The following CDH18 variants were observed in gnomAD, a reference collection of about 807,000 sequenced individuals.
CDH18 encodes the protein cadherin 18.
In CDH18, 31 loss-of-function variants were observed where a neutral mutation model predicts 67.9. The ratio of observed to expected loss-of-function variants is 0.46; its 90% confidence interval spans 0.34 to 0.62. The LOEUF (loss-of-function observed/expected upper bound fraction) is 0.62. CDH18 is among the 20% of genes least tolerant of loss of function. The pLI is 0.01. For synonymous variants in CDH18, 362 were observed against 347.2 expected (o/e 1.04, Z -0.48); for missense variants, 890 against 975.5 (o/e 0.91, Z 1.17).
intron 5 of CDH18, among the ~76,000 whole-genome samples, chr5:19,691,993 A>C (rs1761952958): frequency 6.6e-6 from 1 of 152,014 alleles, no homozygotes; most frequent in Non-Finnish European, 1.5e-5. Flanking sequence ...TACAAGGCTA[A>C]CAGTAACCAA....
chr5:20,072,605 AT>A (rs895816879), intron 2 of CDH18, among the ~76,000 whole-genome samples: 59 of 151,950 alleles, frequency 3.9e-4, no homozygotes, highest in African/African-American at 1.4e-3. Flanking sequence ...AAAAAGAAAT[AT>A]CCCCTGCAAG....
intron 2 of CDH18, among the ~76,000 whole-genome samples, chr5:19,864,018 C>T (rs1581697355): frequency 6.6e-6 from 1 of 151,330 alleles, no homozygotes; most frequent in South Asian, 2.1e-4. Context: ...CCCAGCCATC[C>T]CATTACTGGG....
At chr5:19,497,982 A>G (rs1247949028) in intron 11 of CDH18, among the ~76,000 whole-genome samples, 1 of 152,194 alleles carries the variant, frequency 6.6e-6, no homozygotes, top group Non-Finnish European at 1.5e-5. Context: ...TACTTACATC[A>G]CAGCAAGGAG....
chr5:19,801,933 CTAAA>C (rs1304238563), intron 3 of CDH18, among the ~76,000 whole-genome samples: 14 of 152,074 alleles, frequency 9.2e-5, no homozygotes, highest in African/African-American at 3.4e-4. Context: ...CATTCTCTAT[CTAAA>C]TGTTTACTAA....
At chr5:19,577,604 T>C (rs554289963) in intron 7 of CDH18, among the ~76,000 whole-genome samples, 133 of 152,316 alleles carry the variant, frequency 8.7e-4, no homozygotes, top group Non-Finnish European at 1.6e-3. Flanking sequence ...CTGATTAAGA[T>C]AATGAGATTT....
chr5:20,526,022 G>T (rs1400020100), intron 1 of CDH18, among the ~76,000 whole-genome samples: 1 of 152,168 alleles, frequency 6.6e-6, no homozygotes, highest in Admixed American at 6.5e-5. Flanking sequence ...GTTCACTGCA[G>T]CTCTAGTCAG....
At chr5:20,103,586 A>T (rs899896953) in intron 2 of CDH18, among the ~76,000 whole-genome samples, 1 of 149,824 alleles carries the variant, frequency 6.7e-6, no homozygotes, top group South Asian at 2.1e-4. Flanking sequence ...AAAAAAAAAA[A>T]GCTGGGAGTG....
intron 5 of CDH18, among the ~76,000 whole-genome samples, chr5:19,623,180 C>T (rs1178925579): frequency 3.3e-5 from 5 of 152,118 alleles, no homozygotes. Flanking sequence ...TTCATGAGTT[C>T]AGGTATATGT....
chr5:20,324,117 G>A (rs76060833), intron 1 of CDH18, among the ~76,000 whole-genome samples: 16,497 of 152,112 alleles, frequency 0.11, 1,456 homozygotes, highest in East Asian at 0.36. Flanking sequence ...CGATTTAAAA[G>A]GGAAGACCCA....
At chr5:19,902,416 A>G (rs753398467) in intron 2 of CDH18, among the ~76,000 whole-genome samples, 1 of 152,008 alleles carries the variant, frequency 6.6e-6, no homozygotes, top group Non-Finnish European at 1.5e-5. Context: ...ATTCCCAGGA[A>G]AGCCAGCTGC....
intron 1 of CDH18, among the ~76,000 whole-genome samples, chr5:20,394,104 C>T (rs1745092983): frequency 6.6e-6 from 1 of 151,936 alleles, no homozygotes; most frequent in East Asian, 1.9e-4. Context: ...ATAGCCAAAA[C>T]AATCCCAAGC....
intron 3 of CDH18, among the ~76,000 whole-genome samples, chr5:19,834,909 T>A (rs1344427073): frequency 7.2e-5 from 11 of 152,114 alleles, no homozygotes; most frequent in Admixed American, 3.9e-4. Context: ...AGGAACACAT[T>A]TACACTGTCG....
intron 1 of CDH18, among the ~76,000 whole-genome samples, chr5:20,456,354 A>G (rs916485160): frequency 2.6e-5 from 4 of 152,068 alleles, no homozygotes; most frequent in Admixed American, 1.3e-4. Context: ...CAGGTTTTCA[A>G]TTTTTTAAGG....
intron 2 of CDH18, among the ~76,000 whole-genome samples, chr5:19,956,459 A>AT (rs935521148): frequency 6.6e-6 from 1 of 151,930 alleles, no homozygotes; most frequent in Non-Finnish European, 1.5e-5. Context: ...AAATATATTG[A>AT]TTACTGGTAA....
At chr5:20,215,484 C>A (rs1740696216) in intron 2 of CDH18, among the ~76,000 whole-genome samples, 1 of 151,426 alleles carries the variant, frequency 6.6e-6, no homozygotes, top group Non-Finnish European at 1.5e-5. Flanking sequence ...AAACCAGATG[C>A]TGACAAGGTT....
intron 5 of CDH18, among the ~76,000 whole-genome samples, chr5:19,645,333 T>C (rs1037052834): frequency 6.6e-6 from 1 of 152,166 alleles, no homozygotes; most frequent in Non-Finnish European, 1.5e-5. Flanking sequence ...TTCCAGGCAG[T>C]AGTGAAAGTC....
intron 2 of CDH18, among the ~76,000 whole-genome samples, chr5:19,938,989 T>C (rs1794561183): frequency 6.6e-6 from 1 of 151,186 alleles, no homozygotes; most frequent in Non-Finnish European, 1.5e-5. Flanking sequence ...AATCTTAATT[T>C]AAACTTCTAA....
intron 2 of CDH18, among the ~76,000 whole-genome samples, chr5:20,198,899 A>G (rs573942698): frequency 6.6e-6 from 1 of 152,350 alleles, no homozygotes; most frequent in African/African-American, 2.4e-5. Context: ...ACAAGCCTCA[A>G]GCTTTGACAG....
chr5:20,307,348 G>T (rs1457844818), intron 1 of CDH18, among the ~76,000 whole-genome samples: 1 of 152,048 alleles, frequency 6.6e-6, no homozygotes, highest in Non-Finnish European at 1.5e-5. Flanking sequence ...GAGTAGATGT[G>T]GGGAGACATG....
Sources: allele counts gnomAD v4.1 joint callset (sites outside exome capture counted in the v4.1 genomes callset), GRCh38; gene constraint gnomAD v4.1.1; transcripts MANE v1.5; gene names NCBI Gene and HGNC (gene_info 2026-07-23, HGNC 2026-07-21).